Variants in HS3ST5 observed in about 807,000 individuals in gnomAD.
The protein encoded by HS3ST5 is heparan sulfate-glucosamine 3-sulfotransferase 5.
HS3ST5 carries 10 observed loss-of-function variants against 25.4 expected under a neutral mutation model. The observed-to-expected ratio is 0.39, with a 90% CI of 0.24 to 0.67. HS3ST5 has a LOEUF of 0.67. Among genes scored for constraint, HS3ST5 ranks in the 30% least tolerant of loss-of-function variants. The pLI is 0.44. For synonymous variants in HS3ST5, 170 were observed against 162.4 expected (o/e 1.05, Z -0.36); for missense variants, 324 against 420.7 (o/e 0.77, Z 2.01).
At position 114,339,672 on chromosome 6, in the gene HS3ST5, G is replaced by T. The variant is rs551379389; in HGVS notation, c.-339+2523C>A. On this transcript the variant is annotated intron_variant, in intron 1 of 4. Coordinates refer to ENST00000312719, the MANE Select transcript of HS3ST5 (RefSeq NM_153612.4). Reference sequence around the variant, plus strand: ...TAGAAATCACACACAGAAAGCCAGAGCTAGAAATCATACAGTGCACAGATA... The same window carrying T: ...TAGAAATCACACACAGAAAGCCAGATCTAGAAATCATACAGTGCACAGATA... Among the ~76,000 whole-genome samples the T allele has an allele frequency of 9.5e-4, 144 of 152,282 alleles. 1 individual carries two copies. Among genetic ancestry groups the T allele is most frequent in the Non-Finnish European group, 1.1e-3 (73 of 68,004 alleles).
At chr6:114,208,239 T>C (rs1377440197) in intron 2 of HS3ST5, among the ~76,000 whole-genome samples, 1 of 152,200 alleles carries the variant, frequency 6.6e-6, no homozygotes, top group Non-Finnish European at 1.5e-5. Context: ...TGGTGGCCCA[T>C]TCTTAGGCAC....
chr6:114,208,011 A>G (rs1781351008), intron 2 of HS3ST5, among the ~76,000 whole-genome samples: 1 of 152,206 alleles, frequency 6.6e-6, no homozygotes, highest in Non-Finnish European at 1.5e-5. Context: ...AGTTAGGCCA[A>G]AAATATCACT....
At chr6:114,313,766 A>G (rs1277476577) in intron 1 of HS3ST5, among the ~76,000 whole-genome samples, 1 of 152,232 alleles carries the variant, frequency 6.6e-6, no homozygotes, top group Non-Finnish European at 1.5e-5. Context: ...TCATAACTCA[A>G]TGTATACTTA....
At chr6:114,197,509 T>C (rs1377332281) in intron 2 of HS3ST5, among the ~76,000 whole-genome samples, 1 of 152,018 alleles carries the variant, frequency 6.6e-6, no homozygotes, top group Non-Finnish European at 1.5e-5. Context: ...GATTCTGGGG[T>C]AGATATGCAG....
chr6:114,176,248 A>C (rs1391340825), intron 2 of HS3ST5, among the ~76,000 whole-genome samples: 1 of 140,408 alleles, frequency 7.1e-6, no homozygotes, highest in East Asian at 2.1e-4. Flanking sequence ...TGAGTTCTCC[A>C]CACTCTTTTC....
chr6:114,286,117 A>C (rs1284349685), intron 1 of HS3ST5, among the ~76,000 whole-genome samples: 1 of 152,050 alleles, frequency 6.6e-6, no homozygotes, highest in Non-Finnish European at 1.5e-5. Context: ...TAAAATTTCC[A>C]TAATTAACAT....
intron 3 of HS3ST5, among the ~76,000 whole-genome samples, chr6:114,109,283 TA>T (rs1484390818): frequency 6.6e-6 from 1 of 151,894 alleles, no homozygotes; most frequent in African/African-American, 2.4e-5. Flanking sequence ...TATATATATA[TA>T]TATGCATTTA....
At chr6:114,326,161 G>A (rs974837147) in intron 1 of HS3ST5, among the ~76,000 whole-genome samples, 7 of 151,416 alleles carry the variant, frequency 4.6e-5, no homozygotes, top group Non-Finnish European at 1.0e-4. Context: ...GGGTGAACTG[G>A]GTGGGTCACC....
Position 114,200,952 on chromosome 6 carries a change from G to A in HS3ST5, c.-145+27633C>T, listed in dbSNP as rs115157081. On this transcript the variant is annotated intron_variant, in intron 2 of 4. Transcript: ENST00000312719. Reference sequence around the variant, plus strand: ...ATATAAGATATAACTTAATTTATTAGATACAAGAGATGTTTTAAGGCAAGC... The same window carrying A: ...ATATAAGATATAACTTAATTTATTAAATACAAGAGATGTTTTAAGGCAAGC... 2.4e-3 allele frequency among the ~76,000 whole-genome samples: 362 copies of A among 152,254 alleles called. 2 individuals are homozygous for A. Among genetic ancestry groups the A allele is most frequent in the African/African-American group, 8.5e-3 (354 of 41,542 alleles).
At chr6:114,197,430 T>C (rs1397040696) in intron 2 of HS3ST5, among the ~76,000 whole-genome samples, 3 of 152,158 alleles carry the variant, frequency 2.0e-5, no homozygotes, top group African/African-American at 7.2e-5. Context: ...CAGTTGAATT[T>C]TATAATCATT....
chr6:114,084,327 A>G (rs1237865029), intron 3 of HS3ST5: 1 of 762,694 alleles, frequency 1.3e-6, no homozygotes, highest in Admixed American at 1.7e-5. Context: ...CTGCAATCTC[A>G]GGCTGAGTAG....
chr6:114,216,986 C>T (rs933783160), intron 2 of HS3ST5, among the ~76,000 whole-genome samples: 17 of 152,276 alleles, frequency 1.1e-4, no homozygotes, highest in East Asian at 7.7e-4. Context: ...TATGAGCTGA[C>T]GGACAGCTGT....
At position 114,270,435 on chromosome 6, in the gene HS3ST5, A is replaced by G. The variant is rs189287065; in HGVS notation, c.-338-41657T>C. 9.1e-4 allele frequency among the ~76,000 whole-genome samples: 139 copies of G among 152,332 alleles called. 2 individuals carry two copies. Among genetic ancestry groups the G allele is most frequent in the African/African-American group, 3.1e-3 (131 of 41,588 alleles). On this transcript the variant is annotated intron_variant, in intron 1 of 4. Coordinates refer to ENST00000312719, the MANE Select transcript of HS3ST5 (RefSeq NM_153612.4). ...AACTGCTAAAATAAATTGCATTTTTAGACTGCATTATAAAATTTCATTTTG... is the reference window on the plus strand; with the variant it reads ...AACTGCTAAAATAAATTGCATTTTTGGACTGCATTATAAAATTTCATTTTG...
intron 3 of HS3ST5, among the ~76,000 whole-genome samples, chr6:114,159,541 A>G (rs556919805): frequency 6.6e-6 from 1 of 152,318 alleles, no homozygotes; most frequent in East Asian, 1.9e-4. Flanking sequence ...GAGAATGGTT[A>G]TTAAGGGCTG....
rs1210731386 is a variant in HS3ST5 at position 114,055,661 on chromosome 6, A to C, written c.*1596T>G. ...AATCACTAGACAGGATAAACAACTC[A>C]TGGAGAAAATCAACACTTATTACAA... is the stretch of plus-strand genomic sequence containing the variant. On this transcript the variant is annotated 3_prime_UTR_variant, in exon 5 of 5. Transcript: ENST00000312719. 1 of 152,234 alleles carries C rather than the reference A, an allele frequency of 6.6e-6. No individual in the cohort carries two copies. Among genetic ancestry groups the C allele is most frequent in the East Asian group, 1.9e-4 (1 of 5,206 alleles). The allele number at this position is 152,234 out of a possible 1,614,324, so 9.4% of individuals were successfully genotyped here. A position where few individuals can be genotyped will look rare whatever the true frequency, so the allele number is the denominator to read the frequency against.
chr6:114,132,945 G>T (rs1310074259), intron 3 of HS3ST5, among the ~76,000 whole-genome samples: 1 of 152,100 alleles, frequency 6.6e-6, no homozygotes, highest in Non-Finnish European at 1.5e-5. Context: ...TGTCCTCCTT[G>T]TTCTCTTATC....
chr6:114,156,783 T>A (rs1011103034), intron 3 of HS3ST5, among the ~76,000 whole-genome samples: 1 of 152,142 alleles, frequency 6.6e-6, no homozygotes, highest in African/African-American at 2.4e-5. Flanking sequence ...CACATTTCCC[T>A]ACCATCTCTG....
At position 114,193,845 on chromosome 6, in the gene HS3ST5, TACTCTCTTCTACAAATCAGAAA is replaced by T. The variant is rs1346738525; in HGVS notation, c.-144-25405_-144-25384del. ...ATGGTTATACATTCCTTTGGACAGG[TACTCTCTTCTACAAATCAGAAA>T]TCTATTCCTGGGGGCAGCTTCCAAG... On this transcript the variant is annotated intron_variant, in intron 2 of 4. Coordinates refer to ENST00000312719, the MANE Select transcript of HS3ST5 (RefSeq NM_153612.4). 9.8e-5 allele frequency among the ~76,000 whole-genome samples: 15 copies of T among 152,312 alleles called. 1 individual carries two copies. The East Asian group carries it at 2.9e-3, about 29-fold the overall frequency.
chr6:114,068,019 A>T (rs1773566870), intron 3 of HS3ST5, among the ~76,000 whole-genome samples: 1 of 152,338 alleles, frequency 6.6e-6, no homozygotes, highest in Middle Eastern at 3.4e-3. Flanking sequence ...GCATTGTGCA[A>T]AAATGAAACA....
Sources: allele counts gnomAD v4.1 joint callset (sites outside exome capture counted in the v4.1 genomes callset), GRCh38; gene constraint gnomAD v4.1.1; transcripts MANE v1.5; gene names NCBI Gene and HGNC (gene_info 2026-07-23, HGNC 2026-07-21).